Variants in TRIO observed in about 807,000 individuals in gnomAD.
TRIO encodes trio Rho guanine nucleotide exchange factor.
TRIO carries 58 observed loss-of-function variants against 351.9 expected under a neutral mutation model. The observed-to-expected ratio is 0.16, with a 90% confidence interval of 0.13 to 0.21. The LOEUF is 0.21. Among genes scored for constraint, TRIO ranks in the 10% least tolerant of loss-of-function variants. TRIO has a pLI of 1.00. For missense variants in TRIO, 3,201 were observed against 4,027.8 expected (o/e 0.79, Z 5.56); for synonymous variants, 1,758 against 1,595.7 (o/e 1.10, Z -2.42).
At chr5:14,149,751 A>G (rs1787717510) in intron 1 of TRIO, among the ~76,000 whole-genome samples, 1 of 146,694 alleles carries the variant, frequency 6.8e-6, no homozygotes, top group Non-Finnish European at 1.5e-5. Context: ...AGAGTAGTCT[A>G]GAGCTGGTGT....
At chr5:14,373,058 T>G (rs1340452041) in intron 18 of TRIO, among the ~76,000 whole-genome samples, 1 of 151,912 alleles carries the variant, frequency 6.6e-6, no homozygotes, top group Non-Finnish European at 1.5e-5. Flanking sequence ...AAGTACAGGG[T>G]GAGGCAGGGA....
chr5:14,257,214 G>A (rs899538575), intron 1 of TRIO, among the ~76,000 whole-genome samples: 6 of 152,194 alleles, frequency 3.9e-5, no homozygotes, highest in African/African-American at 1.4e-4. Flanking sequence ...CACCAGACAG[G>A]CTCCTGCAGG....
chr5:14,428,817 G>A (rs1453809119), intron 34 of TRIO, among the ~76,000 whole-genome samples: 1 of 152,190 alleles, frequency 6.6e-6, no homozygotes, highest in Non-Finnish European at 1.5e-5. Context: ...ATGACCTAGT[G>A]TTTAGGGAAA....
chr5:14,340,310 TGG>T (rs1741828885), intron 11 of TRIO, among the ~76,000 whole-genome samples: 1 of 147,692 alleles, frequency 6.8e-6, no homozygotes. Flanking sequence ...GGCAGGAGAA[TGG>T]CATGAACCTG....
In TRIO at chr5:14,485,123, C is replaced by G. The variant is rs975185210; in HGVS notation, c.6712C>G (p.Leu2238Val). 4 of 1,581,658 alleles carry G rather than the reference C, an allele frequency of 2.5e-6. No homozygotes were observed. The highest frequency in any genetic ancestry group is 3.5e-6 in the Non-Finnish European group (4 of 1,156,868). Residue 2238 changes from leucine (L) to valine (V), a missense_variant, in exon 47 of 57, where the codon CTG becomes GTG. By Grantham distance (32) the Leu-to-Val change is conservative. Transcript: ENST00000344204. ...NVENDPCKFA[L>V]TSRTGDVVET... ...GGAAAATGATCCCTGTAAATTTGCT[C>G]TGACATCGAGGACGGGTGACGTGGT...
rs772846868 is a variant in TRIO, at chr5:14,358,393, C to T, written c.2216+46C>T. On this transcript the variant is annotated intron_variant, in intron 12 of 56. Transcript: ENST00000344204. ...GGTCCGAACAGATTCTGAAACCCTG[C>T]CTGTGACTCCCCTTCCCCTTTTACT... The T allele has an allele frequency of 2.5e-6, 4 of 1,599,376 alleles. No individual in the cohort carries two copies. In the Admixed American group the frequency reaches 6.7e-5, roughly 27 times the overall value.
intron 34 of TRIO, among the ~76,000 whole-genome samples, chr5:14,449,252 G>A (rs1479016542): frequency 6.6e-6 from 1 of 152,226 alleles, no homozygotes; most frequent in Admixed American, 6.5e-5. Context: ...AGGCAGAACA[G>A]ACTGCTTCCA....
At chr5:14,444,428 A>C (rs1030078284) in intron 34 of TRIO, among the ~76,000 whole-genome samples, 2 of 152,178 alleles carry the variant, frequency 1.3e-5, no homozygotes, top group Non-Finnish European at 2.9e-5. Flanking sequence ...TTGCCCTTTA[A>C]GTATCTTTAA....
intron 1 of TRIO, among the ~76,000 whole-genome samples, chr5:14,170,451 A>G (rs1164500983): frequency 6.6e-6 from 1 of 151,628 alleles, no homozygotes; most frequent in Non-Finnish European, 1.5e-5. Flanking sequence ...CATGCATTGA[A>G]CATTGGCTGA....
chr5:14,494,668 G>A (rs1756742752), intron 49 of TRIO, among the ~76,000 whole-genome samples: 1 of 152,150 alleles, frequency 6.6e-6, no homozygotes, highest in African/African-American at 2.4e-5. Flanking sequence ...GGAAGCCAAG[G>A]CGGGTGGATC....
intron 1 of TRIO, among the ~76,000 whole-genome samples, chr5:14,169,730 A>T (rs1340283838): frequency 1.3e-5 from 2 of 152,236 alleles, no homozygotes; most frequent in East Asian, 3.8e-4. Flanking sequence ...TCTTAAAAAA[A>T]AGGATCACCC....
chr5:14,231,078 CTTTG>C lies in TRIO; in HGVS notation c.158-39742_158-39739del, dbSNP rs527500305. Among the ~76,000 whole-genome samples, 3 of 152,278 alleles carry C rather than the reference CTTTG, an allele frequency of 2.0e-5. No homozygotes were observed. The South Asian group carries it at 6.2e-4, about 32-fold the overall frequency. On this transcript the variant is annotated intron_variant, in intron 1 of 56. Transcript: ENST00000344204. ...CAAAGACAGGAAAAAGAATTCTTGT[CTTTG>C]TTTGCTCTTTTAACAATCCAAAGGT...
intron 2 of TRIO, among the ~76,000 whole-genome samples, chr5:14,278,208 G>T (rs538063892): frequency 6.6e-6 from 1 of 152,186 alleles, no homozygotes; most frequent in Non-Finnish European, 1.5e-5. Context: ...AGTAGGGGCT[G>T]TCAAAACTTC....
intron 34 of TRIO, among the ~76,000 whole-genome samples, chr5:14,456,926 T>A (rs1753355903): frequency 1.3e-5 from 2 of 152,234 alleles, no homozygotes; most frequent in Admixed American, 6.5e-5. Flanking sequence ...CTTTTTAAAC[T>A]CCTAATGTGT....
In TRIO at chr5:14,492,834, G is replaced by A. The variant is rs756160374; in HGVS notation, c.7880+20G>A. ...TCTCAAGTGAGTGCTTGACAGTAACGGCGTCCTGGCAGGCAGCAGAGGGAG... is the reference window on the plus strand; with the variant it reads ...TCTCAAGTGAGTGCTTGACAGTAACAGCGTCCTGGCAGGCAGCAGAGGGAG... On this transcript the variant is annotated intron_variant, in intron 49 of 56. Coordinates refer to ENST00000344204, the MANE Select transcript of TRIO (RefSeq NM_007118.4). 6.2e-6 allele frequency: 10 copies of A among 1,607,684 alleles called. No homozygotes were observed. Among genetic ancestry groups the A allele is most frequent in the African/African-American group, 2.7e-5 (2 of 74,830 alleles).
chr5:14,454,333 C>CT (rs1281527793), intron 34 of TRIO, among the ~76,000 whole-genome samples: 27 of 152,306 alleles, frequency 1.8e-4, no homozygotes, highest in African/African-American at 6.3e-4. Flanking sequence ...AGTCTGGACT[C>CT]TGCCTTCTGA....
intron 1 of TRIO, among the ~76,000 whole-genome samples, chr5:14,230,258 A>G (rs1466719583): frequency 2.6e-5 from 4 of 152,130 alleles, no homozygotes; most frequent in Admixed American, 1.3e-4. Flanking sequence ...GTGCCCAAAA[A>G]TGGGTGAAAT....
At chr5:14,288,357 C>CTAATAAT (rs1338397414) in intron 4 of TRIO, among the ~76,000 whole-genome samples, 30 of 152,140 alleles carry the variant, frequency 2.0e-4, no homozygotes, top group African/African-American at 6.8e-4. Context: ...CCAGTGATTG[C>CTAATAAT]CTCTGTGGAG....
chr5:14,323,353 A>C (rs1251292496), intron 9 of TRIO, among the ~76,000 whole-genome samples: 2 of 152,044 alleles, frequency 1.3e-5, no homozygotes, highest in African/African-American at 4.8e-5. Flanking sequence ...TTTCTGTGTC[A>C]CCGCTCTGGG....
Sources: allele counts gnomAD v4.1 joint callset (sites outside exome capture counted in the v4.1 genomes callset), GRCh38; gene constraint gnomAD v4.1.1; transcripts MANE v1.5; gene names NCBI Gene and HGNC (gene_info 2026-07-23, HGNC 2026-07-21).